Variants in SLC9A2 observed in about 807,000 individuals in gnomAD.
The protein encoded by SLC9A2 is sodium/hydrogen exchanger 2.
In SLC9A2, 42 loss-of-function variants were observed where a neutral mutation model predicts 71.7. That is an observed-to-expected ratio of 0.59 (90% CI 0.46 to 0.76). The LOEUF is 0.76. Among genes scored for constraint, SLC9A2 ranks in the 30% least tolerant of loss-of-function variants. SLC9A2 has a pLI of 0.00. For missense variants in SLC9A2, 829 were observed against 1,017.4 expected (o/e 0.81, Z 2.52); for synonymous variants, 396 against 392.5 (o/e 1.01, Z -0.10).
rs1219782685 is a variant in SLC9A2, at chr2:102,685,715, C to A, written c.1425+1379C>A. On this transcript the variant is annotated intron_variant, in intron 5 of 11. Coordinates refer to ENST00000233969, the MANE Select transcript of SLC9A2 (RefSeq NM_003048.6). ...TTGCCCTCAAGTGAGAAGGGGAAGT[C>A]TGTGCATGGCAGAGGTGGGGGTGGG... Among the ~76,000 whole-genome samples the A allele has an allele frequency of 2.1e-5, 3 of 140,048 alleles. No homozygotes were observed. The Admixed American group carries it at 2.3e-4, about 11-fold the overall frequency. 91.9% of individuals were successfully genotyped at this position (140,048 alleles called of 152,430 possible). A position where few individuals can be genotyped will look rare whatever the true frequency, so the allele number is the denominator to read the frequency against.
intron 1 of SLC9A2, among the ~76,000 whole-genome samples, chr2:102,655,915 A>G (rs942106235): frequency 2.0e-5 from 3 of 152,244 alleles, no homozygotes; most frequent in Non-Finnish European, 4.4e-5. Flanking sequence ...CAAACCAGCC[A>G]GCAAGGCTGT....
intron 5 of SLC9A2, among the ~76,000 whole-genome samples, chr2:102,687,141 T>G (rs1158540759): frequency 2.0e-5 from 3 of 152,184 alleles, no homozygotes; most frequent in Non-Finnish European, 4.4e-5. Flanking sequence ...CCACTTGTGT[T>G]GATATCTTCT....
chr2:102,651,039 A>G (rs1296137226), intron 1 of SLC9A2, among the ~76,000 whole-genome samples: 1 of 152,144 alleles, frequency 6.6e-6, no homozygotes, highest in East Asian at 1.9e-4. Flanking sequence ...TTGAACCTCA[A>G]ACTATGGATT....
chr2:102,641,517 T>C (rs540244260), intron 1 of SLC9A2, among the ~76,000 whole-genome samples: 1 of 151,690 alleles, frequency 6.6e-6, no homozygotes, highest in East Asian at 2.0e-4. Context: ...TTTTCAGAAT[T>C]CCAACTCCTG....
chr2:102,668,107 G>T (rs145519508), intron 3 of SLC9A2, among the ~76,000 whole-genome samples: 1 of 151,828 alleles, frequency 6.6e-6, no homozygotes, highest in East Asian at 1.9e-4. Context: ...AACTAAAATT[G>T]TCATGGCTTA....
chr2:102,619,556 G>A lies in SLC9A2; in HGVS notation c.-293G>A, dbSNP rs1676089304. On this transcript the variant is annotated 5_prime_UTR_variant, in exon 1 of 12. Transcript: ENST00000233969. This position sits in a 1 kb window ranked among gnomAD's most constrained non-coding sequence, Gnocchi z 4.3. ...GGCAGGGCCTGCCGCTGCGGCTGGA[G>A]AGCAGCGCACCGGCATGGGCAGGCG... Among the ~76,000 whole-genome samples, 1 of 150,952 alleles carries A rather than the reference G, an allele frequency of 6.6e-6. No individual in the cohort carries two copies. Among genetic ancestry groups the A allele is most frequent in the Non-Finnish European group, 1.5e-5 (1 of 67,634 alleles).
At chr2:102,624,949 C>G (rs1208557672) in intron 1 of SLC9A2, among the ~76,000 whole-genome samples, 1 of 152,112 alleles carries the variant, frequency 6.6e-6, no homozygotes, top group Non-Finnish European at 1.5e-5. Flanking sequence ...TATCCTTGCA[C>G]TTAGTCTGTT....
At position 102,619,783 on chromosome 2, in the gene SLC9A2, G is replaced by C; in HGVS notation, c.-66G>C. On this transcript the variant is annotated 5_prime_UTR_variant, in exon 1 of 12. Coordinates refer to ENST00000233969, the MANE Select transcript of SLC9A2 (RefSeq NM_003048.6). The surrounding 1 kb of genome is among the most constrained non-coding windows in gnomAD (Gnocchi z 4.3). ...CAGGGCGGAGCGGGCTGAGCAGCCC[G>C]GGCGCGATGCGTTGAGCGCTCGGAG... 1.4e-6 allele frequency: 2 copies of C among 1,396,166 alleles called. No individual in the cohort carries two copies. The highest frequency in any genetic ancestry group is 9.4e-7 in the Non-Finnish European group (1 of 1,062,866). The allele number at this position is 1,396,166 out of a possible 1,614,324, so 86.5% of individuals were successfully genotyped here.
intron 1 of SLC9A2, among the ~76,000 whole-genome samples, chr2:102,636,954 C>T (rs1422537868): frequency 2.0e-5 from 3 of 152,160 alleles, no homozygotes; most frequent in African/African-American, 7.2e-5. Flanking sequence ...AAATTGAGTC[C>T]TTCCTTGGTC....
chr2:102,695,750 A>G (rs760818976), intron 7 of SLC9A2, among the ~76,000 whole-genome samples: 9 of 137,462 alleles, frequency 6.5e-5, no homozygotes, highest in Non-Finnish European at 9.3e-5. Flanking sequence ...GATGAGCAGA[A>G]ATAACGTGTA....
intron 1 of SLC9A2, among the ~76,000 whole-genome samples, chr2:102,642,314 G>T (rs925856762): frequency 2.0e-5 from 3 of 152,204 alleles, no homozygotes; most frequent in Non-Finnish European, 4.4e-5. Context: ...GCTTTCTGAA[G>T]ATGATCTTTG....
chr2:102,650,325 G>T (rs1173185297), intron 1 of SLC9A2, among the ~76,000 whole-genome samples: 3 of 152,060 alleles, frequency 2.0e-5, no homozygotes, highest in Non-Finnish European at 4.4e-5. Context: ...GCCTGTTGGT[G>T]GGGTGGGGGG....
rs767754729 is a variant in SLC9A2, at chr2:102,665,233, C to T, written c.887C>T (p.Ala296Val). The change falls in exon 3 of 12, where the codon GCG (alanine) becomes GTG (valine). Residue 296 changes from alanine to valine, a missense_variant. Coordinates refer to ENST00000233969, the MANE Select transcript of SLC9A2 (RefSeq NM_003048.6). The part of the protein sequence containing the change: ...VLIGIFLGFI[A>V]AFTTRFTHNI... ...ATTGGCATCTTCTTGGGCTTTATAG[C>T]GGCATTTACTACTCGATTCACCCAT... 3.7e-6 allele frequency: 6 copies of T among 1,613,986 alleles called. No individual in the cohort carries two copies. Among genetic ancestry groups the T allele is most frequent in the South Asian group, 3.3e-5 (3 of 91,080 alleles).
At chr2:102,699,811 G>A (rs12328706) in intron 7 of SLC9A2, among the ~76,000 whole-genome samples, 1,602 of 152,098 alleles carry the variant, frequency 0.011, 32 homozygotes, top group African/African-American at 0.037. Flanking sequence ...TCTGTTCTAC[G>A]CCCCTCTGCT....
chr2:102,665,111 C>G lies in SLC9A2; in HGVS notation c.765C>G (p.Asn255Lys), dbSNP rs763192284. 6.2e-7 allele frequency: 1 copy of G among 1,613,048 alleles called. No homozygotes were observed. The highest frequency in any genetic ancestry group is 1.1e-5 in the South Asian group (1 of 91,004). ...TTTTTTTCCTGCAGGTCCTGTACAA[C>G]TTGTTCAAGTCGTTTTGCCAGATGA... ...LNDAVTVVLYNLFKSFCQMKT... is the reference protein window; with the variant it reads ...LNDAVTVVLYKLFKSFCQMKT... The change falls in exon 3 of 12, where the codon AAC (asparagine) becomes AAG (lysine). Residue 255 changes from asparagine to lysine, a missense_variant. Asn to Lys is a moderately conservative substitution (Grantham distance 94, BLOSUM62 0). Around this residue, in one of 3 missense-constraint regions of SLC9A2, gnomAD observed 500 missense variants for 726.3 expected, o/e 0.69. Transcript: ENST00000233969.
At position 102,702,492 on chromosome 2, in the gene SLC9A2, TC is replaced by T. The variant is rs758094651; in HGVS notation, c.1837del (p.Arg613ValfsTer12). ...RELLSRNLYQ[I>X]RQRTLSYNRH... ...CTCTTATCAAGAAATCTCTATCAAA[TC>T]CGTCAGCGAGTAAGAATAATTTATG... On this transcript the variant is annotated frameshift_variant, in exon 9 of 12. Transcript: ENST00000233969. LOFTEE classifies it high-confidence loss of function. The T allele has an allele frequency of 6.4e-7, 1 of 1,574,774 alleles. No individual in the cohort carries two copies. Among genetic ancestry groups the T allele is most frequent in the Non-Finnish European group, 8.7e-7 (1 of 1,153,248 alleles).
chr2:102,659,981 C>T (rs888483956), intron 2 of SLC9A2, among the ~76,000 whole-genome samples: 2 of 152,182 alleles, frequency 1.3e-5, no homozygotes, highest in Non-Finnish European at 2.9e-5. Context: ...TTCAGAATGA[C>T]ACACCAGGCC....
At chr2:102,625,244 A>G (rs1354378715) in intron 1 of SLC9A2, among the ~76,000 whole-genome samples, 3 of 152,096 alleles carry the variant, frequency 2.0e-5, no homozygotes, top group Non-Finnish European at 4.4e-5. Flanking sequence ...CTAAAAACCA[A>G]TTTGGGTGTC....
intron 1 of SLC9A2, among the ~76,000 whole-genome samples, chr2:102,649,151 G>A (rs1212296075): frequency 6.6e-6 from 1 of 152,142 alleles, no homozygotes; most frequent in African/African-American, 2.4e-5. Flanking sequence ...ACAGAACAGA[G>A]GCCTCAGAAA....
Sources: allele counts gnomAD v4.1 joint callset (sites outside exome capture counted in the v4.1 genomes callset), GRCh38; gene constraint gnomAD v4.1.1; regional missense constraint gnomAD v4.1.1; non-coding constraint Gnocchi (gnomAD v3.1); transcripts MANE v1.5; gene names NCBI Gene and HGNC (gene_info 2026-07-23, HGNC 2026-07-21).